The following THSD7A variants were observed in gnomAD, a reference collection of about 807,000 sequenced individuals.
THSD7A encodes the protein thrombospondin type 1 domain containing 7A, also known as thrombospondin type-1 domain-containing protein 7A.
Under a neutral mutation model 231.3 loss-of-function variants are expected in THSD7A, and 96 were observed. The observed-to-expected ratio is 0.41, with a 90% CI of 0.35 to 0.49. The LOEUF (loss-of-function observed/expected upper bound fraction) is 0.49. Among genes scored for constraint, THSD7A ranks in the 20% least tolerant of loss-of-function variants. THSD7A has a pLI of 0.05. For synonymous variants in THSD7A, 940 were observed against 743.3 expected (o/e 1.26, Z -4.30); for missense variants, 2,290 against 2,070.2 (o/e 1.11, Z -2.06).
chr7:11,394,862 C>T (rs545363138), intron 23 of THSD7A, among the ~76,000 whole-genome samples: 4 of 152,282 alleles, frequency 2.6e-5, no homozygotes, highest in Admixed American at 6.5e-5. Flanking sequence ...AGCACAAACA[C>T]ATACCAAATT....
intron 1 of THSD7A, among the ~76,000 whole-genome samples, chr7:11,730,130 T>C (rs1781680978): frequency 6.6e-6 from 1 of 151,726 alleles, no homozygotes; most frequent in Non-Finnish European, 1.5e-5. Context: ...GTTGTGAAAT[T>C]ATTTTGCACA....
chr7:11,437,244 C>A (rs111474666), intron 13 of THSD7A, among the ~76,000 whole-genome samples: 8 of 152,192 alleles, frequency 5.3e-5, no homozygotes, highest in African/African-American at 1.9e-4. Flanking sequence ...TTCCATCACA[C>A]CAGACATGAA....
At chr7:11,545,607 A>G (rs1054148383) in intron 4 of THSD7A, among the ~76,000 whole-genome samples, 1 of 152,180 alleles carries the variant, frequency 6.6e-6, no homozygotes, top group Non-Finnish European at 1.5e-5. Context: ...CTGAGCATCA[A>G]GATCCATTCC....
At chr7:11,454,935 A>T (rs1023698561) in intron 11 of THSD7A, among the ~76,000 whole-genome samples, 1 of 151,968 alleles carries the variant, frequency 6.6e-6, no homozygotes, top group African/African-American at 2.4e-5. Flanking sequence ...AAAAGTTCGG[A>T]TCCTGCACTA....
At chr7:11,381,256 G>A (rs766752426) in intron 24 of THSD7A, among the ~76,000 whole-genome samples, 3 of 152,172 alleles carry the variant, frequency 2.0e-5, no homozygotes, top group Non-Finnish European at 4.4e-5. Flanking sequence ...AGAGAGCAAA[G>A]GGTTTCTACT....
intron 16 of THSD7A, among the ~76,000 whole-genome samples, chr7:11,423,521 G>A (rs911341261): frequency 2.6e-5 from 4 of 151,708 alleles, no homozygotes; most frequent in Non-Finnish European, 5.9e-5. Flanking sequence ...GGTGCCCGCC[G>A]CCACGCCCAG....
intron 2 of THSD7A, among the ~76,000 whole-genome samples, chr7:11,593,902 T>G (rs1183212412): frequency 6.6e-6 from 1 of 152,194 alleles, no homozygotes; most frequent in African/African-American, 2.4e-5. Flanking sequence ...GTAAGTGTGA[T>G]GGTTAATACT....
intron 1 of THSD7A, among the ~76,000 whole-genome samples, chr7:11,786,420 C>G (rs1186892140): frequency 6.6e-6 from 1 of 152,068 alleles, no homozygotes; most frequent in African/African-American, 2.4e-5. Flanking sequence ...ACCACTTCCA[C>G]ATTTTCTGCC....
intron 1 of THSD7A, among the ~76,000 whole-genome samples, chr7:11,658,354 T>C (rs1782787219): frequency 6.6e-6 from 1 of 151,758 alleles, no homozygotes; most frequent in South Asian, 2.1e-4. Flanking sequence ...TATTTTATTT[T>C]AGATGTGTTT....
intron 6 of THSD7A, among the ~76,000 whole-genome samples, chr7:11,527,001 A>G (rs1298331044): frequency 6.6e-6 from 1 of 152,192 alleles, no homozygotes; most frequent in East Asian, 1.9e-4. Flanking sequence ...TAGGCAGCAG[A>G]CTGAGAAGTC....
intron 1 of THSD7A, among the ~76,000 whole-genome samples, chr7:11,797,269 A>G (rs1784150994): frequency 6.6e-6 from 1 of 152,122 alleles, no homozygotes. Context: ...AATTATGGAT[A>G]ACACATTTAA....
chr7:11,744,035 G>A (rs558384889), intron 1 of THSD7A, among the ~76,000 whole-genome samples: 111 of 151,936 alleles, frequency 7.3e-4, no homozygotes, highest in African/African-American at 2.4e-3. Context: ...ATGCCATATA[G>A]CAATTTCGTG....
chr7:11,534,331 G>T lies in THSD7A; in HGVS notation c.1822+7088C>A, dbSNP rs1457175265. ...TGACTTGCTTTGACTAGCAGAATGT[G>T]GACGAAGTGATATTGTGTGAGTTCA... On this transcript the variant is annotated intron_variant, in intron 6 of 27. Coordinates refer to ENST00000423059, the MANE Select transcript of THSD7A (RefSeq NM_015204.3). Among the ~76,000 whole-genome samples the T allele has an allele frequency of 4.6e-5, 7 of 152,280 alleles. No individual in the cohort carries two copies. In the East Asian group the frequency reaches 1.4e-3, roughly 29 times the overall value.
At chr7:11,682,635 A>G (rs1232213867) in intron 1 of THSD7A, among the ~76,000 whole-genome samples, 2 of 152,094 alleles carry the variant, frequency 1.3e-5, no homozygotes, top group Admixed American at 6.6e-5. Context: ...AAGAATAGAC[A>G]TAGACATTCA....
In THSD7A at chr7:11,778,169, A is replaced by AAAAAAAAAAAAAAAAAG. The variant is rs1562548864; in HGVS notation, c.190+53587_190+53588insCTTTTTTTTTTTTTTTT. On this transcript the variant is annotated intron_variant, in intron 1 of 27. Transcript: ENST00000423059. Reference sequence around the variant, plus strand: ...GAGACTCCGTCTCAAAAAAAAAAAAAAAAAAAAAAGAAAGCCCTTTCCTAT... The same window carrying AAAAAAAAAAAAAAAAAG: ...GAGACTCCGTCTCAAAAAAAAAAAAAAAAAAAAAAAAAAAAAGAAAAAAAAAGAAAGCCCTTTCCTAT... Among the ~76,000 whole-genome samples the AAAAAAAAAAAAAAAAAG allele has an allele frequency of 6.0e-4, 89 of 147,664 alleles. 1 individual carries two copies. Among genetic ancestry groups the AAAAAAAAAAAAAAAAAG allele is most frequent in the Non-Finnish European group, 1.1e-3 (73 of 66,502 alleles).
intron 1 of THSD7A, among the ~76,000 whole-genome samples, chr7:11,768,847 A>C (rs1783114324): frequency 6.6e-6 from 1 of 151,934 alleles, no homozygotes; most frequent in African/African-American, 2.4e-5. Flanking sequence ...CTTACAAACA[A>C]ATTTTCTAGA....
chr7:11,643,602 C>CGT (rs1392005685), intron 1 of THSD7A, among the ~76,000 whole-genome samples: 4 of 99,274 alleles, frequency 4.0e-5, no homozygotes, highest in Admixed American at 9.7e-5. Context: ...CACGCACGCG[C>CGT]GCACACACAC....
At chr7:11,825,334 C>G (rs1177882543) in intron 1 of THSD7A, among the ~76,000 whole-genome samples, 1 of 152,056 alleles carries the variant, frequency 6.6e-6, no homozygotes, top group African/African-American at 2.4e-5. Context: ...TCTAACTTAG[C>G]CAGTCAGGTA....
intron 1 of THSD7A, among the ~76,000 whole-genome samples, chr7:11,812,038 G>C (rs1784541039): frequency 6.6e-6 from 1 of 151,950 alleles, no homozygotes. Context: ...GAACCACTGA[G>C]CATAATGAGA....
Sources: gnomAD v4.1 joint callset for allele counts (sites outside exome capture counted in the v4.1 genomes callset) on GRCh38, gnomAD v4.1.1 for gene constraint, MANE v1.5 for transcripts, NCBI Gene and HGNC (gene_info 2026-07-23, HGNC 2026-07-21) for gene names.